ENPP1: variants seen among roughly 807,000 people sequenced by gnomAD.
ENPP1 encodes the protein ectonucleotide pyrophosphatase/phosphodiesterase family member 1.
A neutral mutation model predicts 122.8 loss-of-function variants in ENPP1; 73 were observed. The ratio of observed to expected loss-of-function variants is 0.59; its 90% CI spans 0.49 to 0.72. The LOEUF is 0.72. Among genes scored for constraint, ENPP1 ranks in the 30% least tolerant of loss-of-function variants. The pLI, the probability that ENPP1 is intolerant of heterozygous loss-of-function variation, is 0.00. For synonymous variants in ENPP1, 367 were observed against 391.6 expected (o/e 0.94, Z 0.74); for missense variants, 978 against 1,128.1 (o/e 0.87, Z 1.91).
chr6:131,826,760 G>T, intron 1 of ENPP1: 1 of 471,418 alleles, frequency 2.1e-6, no homozygotes, highest in African/African-American at 2.0e-5. Flanking sequence ...TACTCTGCAA[G>T]TAGAGGGTCC....
At chr6:131,883,963 T>A (rs986464804) in intron 22 of ENPP1, among the ~76,000 whole-genome samples, 189 bp downstream of exon 22, 7 of 152,198 alleles carry the variant, frequency 4.6e-5, no homozygotes, top group African/African-American at 1.7e-4. Flanking sequence ...GTATTCTAAT[T>A]GTATAATTGT....
chr6:131,850,940 AAAT>A (rs1009181137), intron 3 of ENPP1, among the ~76,000 whole-genome samples, 199 bp from the exon 4 acceptor site: 8 of 152,218 alleles, frequency 5.3e-5, no homozygotes, highest in African/African-American at 1.9e-4. Context: ...ACTTTTAGTG[AAAT>A]AATAATAATT....
chr6:131,870,031 A>G (rs1332227345), intron 13 of ENPP1, among the ~76,000 whole-genome samples: 1 of 152,158 alleles, frequency 6.6e-6, no homozygotes, highest in Non-Finnish European at 1.5e-5. Flanking sequence ...TTCATGGACT[A>G]AGCATAATAT....
rs928769166 is a variant in ENPP1 at position 131,869,395 on chromosome 6, G to A, written c.1311G>A (p.Leu437=). Residue 437 remains leucine (L), a synonymous_variant, in exon 13 of 25, where the codon CTG becomes CTA. Coordinates refer to ENST00000647893, the MANE Select transcript of ENPP1 (RefSeq NM_006208.3). ...EQGSCKKYIY[L]NKYLGDVKNI... ...GCAGTTGTAAGAAATACATATATCTGAATAAATATTTGGGGGATGTTAAAA... is the reference window on the plus strand; with the variant it reads ...GCAGTTGTAAGAAATACATATATCTAAATAAATATTTGGGGGATGTTAAAA... 6.2e-7 allele frequency: 1 copy of A among 1,612,690 alleles called. No individual in the cohort carries two copies. Among genetic ancestry groups the A allele is most frequent in the African/African-American group, 1.3e-5 (1 of 74,818 alleles).
rs9483344 is a variant in ENPP1, at chr6:131,812,503, G to A, written c.240+4228G>A. On this transcript the variant is annotated intron_variant, in intron 1 of 24. Coordinates refer to ENST00000647893, the MANE Select transcript of ENPP1 (RefSeq NM_006208.3). ...GTCTCCTAAGAGCTTGCTGTTAAAA[G>A]AATCCTTAATTAATTTAGAATTTTC... is the stretch of plus-strand genomic sequence containing the variant. 3.3e-5 allele frequency among the ~76,000 whole-genome samples: 5 copies of A among 152,228 alleles called. No individual in the cohort carries two copies. In the South Asian group the frequency reaches 1.0e-3, roughly 32 times the overall value.
chr6:131,860,797 T>A (rs1421770880), intron 8 of ENPP1, among the ~76,000 whole-genome samples: 1 of 141,102 alleles, frequency 7.1e-6, no homozygotes. Context: ...GGGTAATAGC[T>A]TTGATCTACA....
intron 8 of ENPP1, 81 bp from the exon 9 acceptor site, chr6:131,861,514 A>G: frequency 1.1e-6 from 1 of 876,298 alleles, no homozygotes. Flanking sequence ...AGAGGAATGC[A>G]TTGGTGTGGT....
At chr6:131,839,822 A>ATATATACAGT (rs201442888) in intron 1 of ENPP1, among the ~76,000 whole-genome samples, 15 of 152,114 alleles carry the variant, frequency 9.9e-5, no homozygotes, top group East Asian at 1.9e-4. Context: ...ATATACAGCC[A>ATATATACAGT]TATATACAGT....
chr6:131,812,984 C>T (rs1247859082), intron 1 of ENPP1, among the ~76,000 whole-genome samples: 1 of 152,042 alleles, frequency 6.6e-6, no homozygotes, highest in Non-Finnish European at 1.5e-5. Context: ...GGATTACAGG[C>T]ACACACCACC....
intron 1 of ENPP1, chr6:131,827,009 A>G: frequency 4.0e-6 from 2 of 505,146 alleles, no homozygotes; most frequent in Non-Finnish European, 7.4e-6. Context: ...CCAGAGATGA[A>G]TGGTCCACAT....
intron 17 of ENPP1, among the ~76,000 whole-genome samples, chr6:131,876,577 C>A (rs1304205660): frequency 6.6e-6 from 1 of 152,142 alleles, no homozygotes; most frequent in African/African-American, 2.4e-5. Context: ...TCAGACAAAG[C>A]TGGTTTTGAA....
In ENPP1 at chr6:131,827,673, T is replaced by C. The variant is rs376780348; in HGVS notation, c.240+19398T>C. The C allele has an allele frequency of 2.0e-3, 1,321 of 646,396 alleles. 26 individuals are homozygous for C. The South Asian group carries it at 0.021, about 10-fold the overall frequency. 40.0% of individuals were successfully genotyped at this position (646,396 alleles called of 1,614,324 possible). ...CACTATAAATGATGTCCTTCTGCTC[T>C]ACGTGCATGCGGAATCTTCTCACTT... On this transcript the variant is annotated intron_variant, in intron 1 of 24. Transcript: ENST00000647893.
chr6:131,872,375 G>A (rs1782173534), intron 14 of ENPP1, among the ~76,000 whole-genome samples: 1 of 152,112 alleles, frequency 6.6e-6, no homozygotes, highest in African/African-American at 2.4e-5. Context: ...AATTTTTAAA[G>A]TAGAAGGAAA....
chr6:131,829,264 T>C (rs1781581960), intron 1 of ENPP1, among the ~76,000 whole-genome samples: 1 of 152,246 alleles, frequency 6.6e-6, no homozygotes, highest in South Asian at 2.1e-4. Flanking sequence ...TTACAATTCT[T>C]TTCTAAAGTA....
intron 1 of ENPP1, among the ~76,000 whole-genome samples, chr6:131,813,601 C>G (rs1415741419): frequency 6.6e-6 from 1 of 152,002 alleles, no homozygotes; most frequent in African/African-American, 2.4e-5. Context: ...GCAGACATGA[C>G]TTAACCCTCC....
At chr6:131,856,723 C>G (rs988056265) in intron 6 of ENPP1, among the ~76,000 whole-genome samples, 14 of 144,078 alleles carry the variant, frequency 9.7e-5, no homozygotes, top group Non-Finnish European at 2.0e-4. Context: ...GCCAGTTTTC[C>G]CAGCACCATT....
In ENPP1 at chr6:131,808,138, C is replaced by T. The variant is rs939523816; in HGVS notation, c.103C>T (p.His35Tyr). ...GAACGGCCGCGATCGGGGCCGCAGC[C>T]ACGCTGCCGAGGCGCCCGGGGACCC... is the stretch of plus-strand genomic sequence containing the variant. ...AGNGRDRGRS[H>Y]AAEAPGDPQA... Residue 35 changes from histidine to tyrosine, a missense_variant, in exon 1 of 25, where the codon CAC becomes TAC. Transcript: ENST00000647893. The T allele has an allele frequency of 1.6e-5, 23 of 1,399,152 alleles. No homozygotes were observed. In the African/African-American group the frequency reaches 2.9e-4, roughly 17 times the overall value. 86.7% of individuals were successfully genotyped at this position (1,399,152 alleles called of 1,614,324 possible).
chr6:131,856,451 C>A (rs888104496), intron 6 of ENPP1, among the ~76,000 whole-genome samples: 3 of 150,026 alleles, frequency 2.0e-5, no homozygotes, highest in Non-Finnish European at 2.9e-5. Context: ...CCTGTTCACT[C>A]TGATGGTAGT....
chr6:131,851,000 G>A (rs1258759556), intron 3 of ENPP1, 142 bp from the exon 4 acceptor site: 1 of 879,046 alleles, frequency 1.1e-6, no homozygotes. Flanking sequence ...CCATGGTAGT[G>A]GCAGATTCTG....
Sources: allele counts gnomAD v4.1 joint callset (sites outside exome capture counted in the v4.1 genomes callset), GRCh38; gene constraint gnomAD v4.1.1; transcripts MANE v1.5; gene names NCBI Gene and HGNC (gene_info 2026-07-23, HGNC 2026-07-21).